Variants in ZDHHC8 observed in about 807,000 individuals in gnomAD.
ZDHHC8 encodes zDHHC palmitoyltransferase 8, also known as palmitoyltransferase ZDHHC8.
Under a neutral mutation model 61.2 loss-of-function variants are expected in ZDHHC8, and 24 were observed. The ratio of observed to expected loss-of-function variants is 0.39; its 90% CI spans 0.28 to 0.55. ZDHHC8 has a LOEUF of 0.55. Ranked by LOEUF, ZDHHC8 falls within the 20% of genes least tolerant of loss-of-function variation. ZDHHC8 has a pLI of 0.60. For missense variants in ZDHHC8, 935 were observed against 1,102.1 expected, an observed-to-expected ratio of 0.85 and a Z score of 2.15; for synonymous variants, 523 against 492.5, an observed-to-expected ratio of 1.06 and a Z score of -0.82.
intron 6 of ZDHHC8, 67 bp downstream of exon 6, chr22:20,140,775 C>T: frequency 1.3e-6 from 2 of 1,594,778 alleles, no homozygotes; most frequent in Non-Finnish European, 8.5e-7. Flanking sequence ...GCCTTAGACC[C>T]TCTTGGTCCG....
rs778900660 is a variant in ZDHHC8 at position 20,143,793 on chromosome 22, AG to A, written c.2126+40del. On this transcript the variant is annotated intron_variant, in intron 10 of 10. Transcript: ENST00000334554. ...GAGGTGCGGGTGGGCTTCCTGGCAC[AG>A]GGCAGCTGTCCAGCCGTCTCCAGGG... The A allele has an allele frequency of 3.2e-6, 5 of 1,577,442 alleles. No individual in the cohort carries two copies. The Admixed American group carries it at 7.0e-5, about 22-fold the overall frequency.
chr22:20,147,217 C>A lies in ZDHHC8; in HGVS notation c.*1817C>A. 1 of 1,473,944 alleles carries A rather than the reference C, an allele frequency of 6.8e-7. No individual in the cohort carries two copies. Among genetic ancestry groups the A allele is most frequent in the South Asian group, 1.3e-5 (1 of 74,490 alleles). 91.3% of individuals were successfully genotyped at this position (1,473,944 alleles called of 1,614,324 possible). A position where few individuals can be genotyped will look rare whatever the true frequency, so the allele number is the denominator to read the frequency against. ...GGCTGCCTCCAGTCTTTTCCCCAGC[C>A]TCTCGGGGCCCTAGCAGGATGACAA... On this transcript the variant is annotated 3_prime_UTR_variant, in exon 11 of 11. Transcript: ENST00000334554.
chr22:20,142,802 G>T lies in ZDHHC8; in HGVS notation c.1172G>T (p.Ser391Ile). 1.9e-6 allele frequency: 3 copies of T among 1,612,718 alleles called. No homozygotes were observed. The highest frequency in any genetic ancestry group is 2.5e-6 in the Non-Finnish European group (3 of 1,179,958). The change falls in exon 10 of 11, where the codon AGC becomes ATC. Residue 391 changes from serine to isoleucine, a missense_variant. Ser to Ile is a moderately radical substitution (Grantham distance 142). This residue lies in a region of ZDHHC8 where 692 missense variants were observed against 731.4 expected (regional missense o/e 0.95). Coordinates refer to ENST00000334554, the MANE Select transcript of ZDHHC8 (RefSeq NM_013373.4). ...ACCCTGGGGGACGACAGCATCCGTA[G>T]CCTGGACTTTGTGTCCGAGCCGAGC... The part of the protein sequence containing the change: ...SLTLGDDSIR[S>I]LDFVSEPSLD...
intron 7 of ZDHHC8, 99 bp from the exon 8 acceptor site, chr22:20,141,118 G>C: frequency 6.3e-7 from 1 of 1,588,340 alleles, no homozygotes; most frequent in Non-Finnish European, 8.6e-7. Flanking sequence ...CAGAGCCGTA[G>C]ACAGATTCTT....
chr22:20,140,285 TG>T, intron 5 of ZDHHC8, 68 bp downstream of exon 5: 1 of 1,441,668 alleles, frequency 6.9e-7, no homozygotes, highest in South Asian at 1.2e-5. Flanking sequence ...GGGGACAGGG[TG>T]GGGGCTGGGG....
chr22:20,131,865 GCCC>G lies in ZDHHC8; in HGVS notation c.-82_-80del. 1.5e-4 allele frequency: 48 copies of G among 318,092 alleles called. No homozygotes were observed. The highest frequency in any genetic ancestry group is 2.2e-4 in the Non-Finnish European group (48 of 222,486). 19.7% of individuals were successfully genotyped at this position (318,092 alleles called of 1,614,324 possible). A position where few individuals can be genotyped will look rare whatever the true frequency, so the allele number is the denominator to read the frequency against. On this transcript the variant is annotated 5_prime_UTR_variant, in exon 1 of 11. Coordinates refer to ENST00000334554, the MANE Select transcript of ZDHHC8 (RefSeq NM_013373.4). ...CGCCGCGGGTCCTGCGCCGCGTCCA[GCCC>G]GCCCGCCCGACCCCGGCCCGACCCC...
intron 1 of ZDHHC8, among the ~76,000 whole-genome samples, chr22:20,134,565 C>G (rs2050404576): frequency 6.6e-6 from 1 of 152,206 alleles, no homozygotes; most frequent in African/African-American, 2.4e-5. Context: ...GCCCTTAGTG[C>G]CTATACAGGG....
At position 20,146,311 on chromosome 22, in the gene ZDHHC8, A is replaced by T; in HGVS notation, c.*911A>T. The stretch of plus-strand genomic sequence containing the variant: ...TGCGGTGCTCGCGCCGTGGGAAAGC[A>T]CACTGGGGAGGGGTCAGTGCTTCCC... On this transcript the variant is annotated 3_prime_UTR_variant, in exon 11 of 11. Coordinates refer to ENST00000334554, the MANE Select transcript of ZDHHC8 (RefSeq NM_013373.4). 1 of 985,636 alleles carries T rather than the reference A, an allele frequency of 1.0e-6. No homozygotes were observed. The highest frequency in any genetic ancestry group is 1.2e-6 in the Non-Finnish European group (1 of 829,936). 61.1% of individuals were successfully genotyped at this position (985,636 alleles called of 1,614,324 possible). A position where few individuals can be genotyped will look rare whatever the true frequency, so the allele number is the denominator to read the frequency against.
intron 1 of ZDHHC8, among the ~76,000 whole-genome samples, chr22:20,135,456 A>C (rs896779550): frequency 6.6e-6 from 1 of 152,222 alleles, no homozygotes; most frequent in Non-Finnish European, 1.5e-5. Flanking sequence ...GCAGGCTGCC[A>C]GTGCCTGGGG....
chr22:20,145,422 C>A lies in ZDHHC8; in HGVS notation c.*22C>A. The A allele has an allele frequency of 1.4e-6, 2 of 1,477,922 alleles. No homozygotes were observed. Among genetic ancestry groups the A allele is most frequent in the Admixed American group, 2.4e-5 (1 of 42,116 alleles). The allele number at this position is 1,477,922 out of a possible 1,614,324, so 91.6% of individuals were successfully genotyped here. A position where few individuals can be genotyped will look rare whatever the true frequency, so the allele number is the denominator to read the frequency against. On this transcript the variant is annotated 3_prime_UTR_variant, in exon 11 of 11. Transcript: ENST00000334554. Reference sequence around the variant, plus strand: ...GTGAGGACTGACTGCCACACATCCGCCATGGTGCCACGGGGACCAGGACCC... The same window carrying A: ...GTGAGGACTGACTGCCACACATCCGACATGGTGCCACGGGGACCAGGACCC...
chr22:20,145,690 TG>T lies in ZDHHC8; in HGVS notation c.*294del. The T allele has an allele frequency of 9.4e-7, 1 of 1,060,436 alleles. No homozygotes were observed. The highest frequency in any genetic ancestry group is 1.1e-6 in the Non-Finnish European group (1 of 878,126). 65.7% of individuals were successfully genotyped at this position (1,060,436 alleles called of 1,614,324 possible). ...AGTGAGGGGGCCCAGTCAGCCTCTT[TG>T]GGGCACCCTCTCTCAGCCAGGCTTG... On this transcript the variant is annotated 3_prime_UTR_variant, in exon 11 of 11. Coordinates refer to ENST00000334554, the MANE Select transcript of ZDHHC8 (RefSeq NM_013373.4).
At chr22:20,141,061 G>A (rs2050464905) in intron 7 of ZDHHC8, 49 bp downstream of exon 7, 1 of 1,605,330 alleles carries the variant, frequency 6.2e-7, no homozygotes, top group Non-Finnish European at 8.5e-7. Context: ...CCTTGGATGG[G>A]GAAACAGGCA....
chr22:20,138,865 C>T (rs1191365723), intron 1 of ZDHHC8, among the ~76,000 whole-genome samples: 1 of 152,158 alleles, frequency 6.6e-6, no homozygotes, highest in East Asian at 1.9e-4. Flanking sequence ...TGTGTACCGC[C>T]CCCGCCCCCT....
intron 10 of ZDHHC8, among the ~76,000 whole-genome samples, chr22:20,144,052 C>CT (rs1420741465): frequency 2.0e-5 from 3 of 152,180 alleles, no homozygotes; most frequent in Non-Finnish European, 4.4e-5. Context: ...GGCCATGGGG[C>CT]TTTCTCTTTG....
intron 9 of ZDHHC8, among the ~76,000 whole-genome samples, chr22:20,141,798 C>G (rs2050473543): frequency 6.6e-6 from 1 of 152,212 alleles, no homozygotes; most frequent in South Asian, 2.1e-4. Context: ...GTGGGCCATC[C>G]AGGCTTGGCG....
rs1159846235 is a variant in ZDHHC8 at position 20,146,825 on chromosome 22, G to T, written c.*1425G>T. On this transcript the variant is annotated 3_prime_UTR_variant, in exon 11 of 11. Coordinates refer to ENST00000334554, the MANE Select transcript of ZDHHC8 (RefSeq NM_013373.4). ...CCTGTTGGCTCAGGGCCCTGTGGGG[G>T]CCGCTGAACCTGCTGGAACTCTCCT... 8.0e-7 allele frequency: 1 copy of T among 1,246,736 alleles called. No individual in the cohort carries two copies. Among genetic ancestry groups the T allele is most frequent in the Non-Finnish European group, 1.0e-6 (1 of 996,624 alleles). The allele number at this position is 1,246,736 out of a possible 1,614,324, so 77.2% of individuals were successfully genotyped here.
In ZDHHC8 at chr22:20,131,893, C is replaced by T. The variant is rs2050376788; in HGVS notation, c.-55C>T. ...CGCCCGCCCGACCCCGGCCCGACCC[C>T]GGCCGGCCCTGCCCGCCCGGCCCCG... On this transcript the variant is annotated 5_prime_UTR_variant, in exon 1 of 11. Transcript: ENST00000334554. 5.9e-6 allele frequency: 5 copies of T among 853,150 alleles called. No individual in the cohort carries two copies. Among genetic ancestry groups the T allele is most frequent in the African/African-American group, 1.8e-5 (1 of 54,108 alleles). The allele number at this position is 853,150 out of a possible 1,614,324, so 52.8% of individuals were successfully genotyped here.
At chr22:20,132,328 C>A (rs2148000905) in intron 1 of ZDHHC8, among the ~76,000 whole-genome samples, 1 of 152,346 alleles carries the variant, frequency 6.6e-6, no homozygotes, top group Non-Finnish European at 1.5e-5. Context: ...GCGGGGAGCG[C>A]TGGGCCCTGG....
chr22:20,139,436 G>C (rs559316298), intron 2 of ZDHHC8, 42 bp from the exon 3 acceptor site: 5 of 1,608,298 alleles, frequency 3.1e-6, no homozygotes, highest in Non-Finnish European at 4.3e-6. Flanking sequence ...CACCTGCCAG[G>C]AAAGTCAACT....
Sources: allele counts gnomAD v4.1 joint callset (sites outside exome capture counted in the v4.1 genomes callset), GRCh38; gene constraint gnomAD v4.1.1; regional missense constraint gnomAD v4.1.1; transcripts MANE v1.5; gene names NCBI Gene and HGNC (gene_info 2026-07-23, HGNC 2026-07-21).